BABAM2: variants seen among roughly 807,000 people sequenced by gnomAD.
BABAM2 encodes BRISC and BRCA1-A complex member 2.
Under a neutral mutation model 54.7 loss-of-function variants are expected in BABAM2, and 31 were observed. The ratio of observed to expected loss-of-function variants is 0.57; its 90% CI spans 0.43 to 0.77. BABAM2 has a LOEUF of 0.77. Ranked by LOEUF, BABAM2 falls within the 30% of genes least tolerant of loss-of-function variation. The probability of loss-of-function intolerance (pLI) is 0.00; values close to 1 mark genes in which losing one functional copy is unlikely to be tolerated. For missense variants in BABAM2, 364 were observed against 455.8 expected (o/e 0.80, Z 1.83); for synonymous variants, 167 against 162.9 (o/e 1.03, Z -0.19).
intron 7 of BABAM2, among the ~76,000 whole-genome samples, chr2:28,164,188 C>G (rs1673395053): frequency 6.6e-6 from 1 of 152,160 alleles, no homozygotes; most frequent in South Asian, 2.1e-4. Flanking sequence ...CAATAAAATA[C>G]AGTGTTGATG....
At chr2:27,946,797 TA>T (rs1259211077) in intron 3 of BABAM2, among the ~76,000 whole-genome samples, 1 of 152,190 alleles carries the variant, frequency 6.6e-6, no homozygotes, top group Non-Finnish European at 1.5e-5. Context: ...AACAGGTTTT[TA>T]AATTATTCTT....
chr2:28,098,828 C>A (rs1391184692), intron 6 of BABAM2, among the ~76,000 whole-genome samples: 1 of 152,092 alleles, frequency 6.6e-6, no homozygotes, highest in East Asian at 1.9e-4. Context: ...AGTAACTATT[C>A]CAGCATTATC....
chr2:28,151,021 G>A (rs916177001), intron 7 of BABAM2, among the ~76,000 whole-genome samples: 7 of 152,202 alleles, frequency 4.6e-5, no homozygotes, highest in Admixed American at 3.9e-4. Context: ...AGAAGGCAGC[G>A]TTCTAATCAG....
chr2:28,069,949 C>T (rs1663971754), intron 6 of BABAM2, among the ~76,000 whole-genome samples: 1 of 152,188 alleles, frequency 6.6e-6, no homozygotes, highest in Non-Finnish European at 1.5e-5. Flanking sequence ...ATTCATAGCT[C>T]ACTGCAGCCT....
At chr2:28,109,446 C>A (rs1667809998) in intron 6 of BABAM2, among the ~76,000 whole-genome samples, 1 of 152,026 alleles carries the variant, frequency 6.6e-6, no homozygotes, top group Non-Finnish European at 1.5e-5. Context: ...CCTTGGCCTC[C>A]CAAAGTGCTG....
chr2:28,141,122 C>G (rs1671013890), intron 7 of BABAM2, among the ~76,000 whole-genome samples: 1 of 152,132 alleles, frequency 6.6e-6, no homozygotes, highest in African/African-American at 2.4e-5. Context: ...CCTCCTAATA[C>G]TATTGCATTG....
chr2:28,241,518 A>G lies in BABAM2; in HGVS notation c.851+125A>G. The G allele has an allele frequency of 7.0e-6, 6 of 854,006 alleles. No individual in the cohort carries two copies. In the South Asian group the frequency reaches 9.3e-5, roughly 13 times the overall value. 52.9% of individuals were successfully genotyped at this position (854,006 alleles called of 1,614,324 possible). ...ACATGATACCTTTTTTTTTTTTGAG[A>G]CAGTCTCGCTCTGTCACCCAGGCTG... On this transcript the variant is annotated intron_variant, in intron 9 of 11. Coordinates refer to ENST00000379624, the MANE Select transcript of BABAM2 (RefSeq NM_199191.3).
In BABAM2 at chr2:28,243,599, C is replaced by T. The variant is rs946651149; in HGVS notation, c.852-1181C>T. 1.2e-4 allele frequency among the ~76,000 whole-genome samples: 18 copies of T among 151,352 alleles called. No homozygotes were observed. In the South Asian group the frequency reaches 2.3e-3, roughly 19 times the overall value. On this transcript the variant is annotated intron_variant, in intron 9 of 11. Coordinates refer to ENST00000379624, the MANE Select transcript of BABAM2 (RefSeq NM_199191.3). ...GCAGGTGCCTGTAATCCCAGCTATT[C>T]GGAAGGCTGAGGCAGGAGAATTGCC...
chr2:28,292,112 G>T (rs556528124), intron 10 of BABAM2, among the ~76,000 whole-genome samples: 2 of 152,190 alleles, frequency 1.3e-5, no homozygotes, highest in South Asian at 2.1e-4. Context: ...ACCACAAAGC[G>T]CATCTATGAG....
At chr2:28,038,302 A>G (rs1263663500) in intron 5 of BABAM2, among the ~76,000 whole-genome samples, 2 of 152,060 alleles carry the variant, frequency 1.3e-5, no homozygotes, top group Non-Finnish European at 2.9e-5. Flanking sequence ...CCAACCCTAG[A>G]TGGTTCATTT....
At chr2:27,910,643 T>C (rs1398992203) in intron 2 of BABAM2, among the ~76,000 whole-genome samples, 2 of 152,134 alleles carry the variant, frequency 1.3e-5, no homozygotes, top group Admixed American at 6.5e-5. Flanking sequence ...AATATACTTT[T>C]AAAAATATAT....
At chr2:28,164,620 A>C (rs539551240) in intron 7 of BABAM2, among the ~76,000 whole-genome samples, 1 of 151,200 alleles carries the variant, frequency 6.6e-6, no homozygotes, top group Non-Finnish European at 1.5e-5. Flanking sequence ...TTTCCCATAC[A>C]TTAAGAGCTA....
rs544776587 is a variant in BABAM2 at position 28,163,250 on chromosome 2, G to T, written c.680+33870G>T. Reference sequence around the variant, plus strand: ...TGAGTGTGAAGCTCTGGGTGCCAGCGCTTCTTCCAGCCAAGTCAGCAGGTG... The same window carrying T: ...TGAGTGTGAAGCTCTGGGTGCCAGCTCTTCTTCCAGCCAAGTCAGCAGGTG... On this transcript the variant is annotated intron_variant, in intron 7 of 11. Coordinates refer to ENST00000379624, the MANE Select transcript of BABAM2 (RefSeq NM_199191.3). 2.0e-5 allele frequency among the ~76,000 whole-genome samples: 3 copies of T among 152,220 alleles called. No individual in the cohort carries two copies. In the South Asian group the frequency reaches 6.2e-4, roughly 32 times the overall value.
chr2:28,258,041 G>T (rs1350783773), intron 10 of BABAM2, among the ~76,000 whole-genome samples: 1 of 152,154 alleles, frequency 6.6e-6, no homozygotes, highest in Non-Finnish European at 1.5e-5. Flanking sequence ...GTCTGGCATG[G>T]CAGCAGGCAC....
intron 6 of BABAM2, among the ~76,000 whole-genome samples, chr2:28,104,948 C>T (rs1018814914): frequency 6.7e-6 from 1 of 149,624 alleles, no homozygotes; most frequent in African/African-American, 2.5e-5. Flanking sequence ...GACAAAAAAC[C>T]AAACACTGCA....
intron 6 of BABAM2, among the ~76,000 whole-genome samples, chr2:28,049,511 A>G (rs1677845118): frequency 6.6e-6 from 1 of 152,236 alleles, no homozygotes; most frequent in Non-Finnish European, 1.5e-5. Context: ...ATTATTTAAT[A>G]TCACACACTG....
chr2:28,336,642 C>T (rs1326859250), intron 11 of BABAM2, among the ~76,000 whole-genome samples: 1 of 152,186 alleles, frequency 6.6e-6, no homozygotes, highest in African/African-American at 2.4e-5. Flanking sequence ...GAGAGAGGAG[C>T]TGACGTTTCA....
rs527930831 is a variant in BABAM2 at position 28,304,420 on chromosome 2, A to C, written c.1088+5929A>C. ...ATAAAATATTTATAAATATATAAAA[A>C]TATAAACAAAATTTTTAAAAATTTA... is the stretch of plus-strand genomic sequence containing the variant. On this transcript the variant is annotated intron_variant, in intron 11 of 11. Coordinates refer to ENST00000379624, the MANE Select transcript of BABAM2 (RefSeq NM_199191.3). The surrounding 1 kb of genome is among the most constrained non-coding windows in gnomAD (Gnocchi z 4.0). Among the ~76,000 whole-genome samples, 71 of 150,294 alleles carry C rather than the reference A, an allele frequency of 4.7e-4. 1 individual carries two copies. Among genetic ancestry groups the C allele is most frequent in the African/African-American group, 1.7e-3 (70 of 41,286 alleles).
intron 10 of BABAM2, among the ~76,000 whole-genome samples, chr2:28,250,584 C>T (rs868466454): frequency 3.3e-4 from 45 of 137,010 alleles, no homozygotes; most frequent in South Asian, 1.4e-3. Context: ...ATATTTTTTT[C>T]TTTTTTTTTT....
Sources: allele counts gnomAD v4.1 joint callset (sites outside exome capture counted in the v4.1 genomes callset), GRCh38; gene constraint gnomAD v4.1.1; non-coding constraint Gnocchi (gnomAD v3.1); transcripts MANE v1.5; gene names NCBI Gene and HGNC (gene_info 2026-07-23, HGNC 2026-07-21).